MAN1C1: variants seen among roughly 807,000 people sequenced by gnomAD.
MAN1C1 encodes mannosyl-oligosaccharide 1,2-alpha-mannosidase IC.
MAN1C1 carries 49 observed loss-of-function variants against 71.5 expected under a neutral mutation model. That is an observed-to-expected ratio of 0.69 (90% CI 0.54 to 0.87). The LOEUF is 0.87. MAN1C1 is among the 40% of genes least tolerant of loss of function. The pLI, the probability that MAN1C1 is intolerant of heterozygous loss-of-function variation, is 0.00. For synonymous variants in MAN1C1, 352 were observed against 343.7 expected (o/e 1.02, Z -0.27); for missense variants, 743 against 835.0 (o/e 0.89, Z 1.36).
Position 25,778,446 on chromosome 1 carries a change from T to C in MAN1C1, c.1477+122T>C, listed in dbSNP as rs1002720962. The C allele has an allele frequency of 2.1e-6, 2 of 960,572 alleles. No individual in the cohort carries two copies. Among genetic ancestry groups the C allele is most frequent in the Admixed American group, 5.9e-5 (2 of 33,728 alleles). The allele number at this position is 960,572 out of a possible 1,614,324, so 59.5% of individuals were successfully genotyped here. On this transcript the variant is annotated intron_variant, in intron 9 of 11. Coordinates refer to ENST00000374332, the MANE Select transcript of MAN1C1 (RefSeq NM_020379.4). The surrounding 1 kb of genome is among the most constrained non-coding windows in gnomAD (Gnocchi z 5.5). ...CCTTAGGGAAGCCTCCCCTTGGAAGTTAAGTAGAATTTGAGAGAGGTACTC... is the reference window on the plus strand; with the variant it reads ...CCTTAGGGAAGCCTCCCCTTGGAAGCTAAGTAGAATTTGAGAGAGGTACTC...
At chr1:25,719,159 A>T (rs1001746673) in intron 2 of MAN1C1, among the ~76,000 whole-genome samples, 1 of 148,914 alleles carries the variant, frequency 6.7e-6, no homozygotes, top group African/African-American at 2.5e-5. Flanking sequence ...TGCAACCTCC[A>T]CCTCCTGGGT....
chr1:25,769,460 C>T lies in MAN1C1; in HGVS notation c.1142-2197C>T, dbSNP rs1032755117. Among the ~76,000 whole-genome samples, 2 of 152,142 alleles carry T rather than the reference C, an allele frequency of 1.3e-5. No individual in the cohort carries two copies. The highest frequency in any genetic ancestry group is 4.8e-5 in the African/African-American group (2 of 41,392). ...ATGTGAGATGCCCACATAAGTGCCC[C>T]TGAGAGGCAGCTGCATCTCAACACC... On this transcript the variant is annotated intron_variant, in intron 7 of 11. Coordinates refer to ENST00000374332, the MANE Select transcript of MAN1C1 (RefSeq NM_020379.4). The surrounding 1 kb of genome is among the most constrained non-coding windows in gnomAD (Gnocchi z 4.8).
At chr1:25,721,043 C>T (rs192378207) in intron 2 of MAN1C1, among the ~76,000 whole-genome samples, 1 of 152,310 alleles carries the variant, frequency 6.6e-6, no homozygotes, top group East Asian at 1.9e-4. Flanking sequence ...ATGCCAGTAT[C>T]ACACTGTCTT....
intron 2 of MAN1C1, among the ~76,000 whole-genome samples, chr1:25,691,561 C>G (rs1322152909): frequency 1.3e-5 from 2 of 152,220 alleles, no homozygotes; most frequent in Non-Finnish European, 2.9e-5. Flanking sequence ...CATCAAGCGT[C>G]AGCTGCGATG....
chr1:25,643,191 C>T (rs1485606426), intron 1 of MAN1C1, among the ~76,000 whole-genome samples: 2 of 151,908 alleles, frequency 1.3e-5, no homozygotes, highest in Non-Finnish European at 2.9e-5. Context: ...CCTCTATCCT[C>T]TTATTTTGTC....
Position 25,758,642 on chromosome 1 carries a change from T to A in MAN1C1, c.980T>A (p.Phe327Tyr). 6.2e-7 allele frequency: 1 copy of A among 1,614,150 alleles called. No homozygotes were observed. The highest frequency in any genetic ancestry group is 8.5e-7 in the Non-Finnish European group (1 of 1,180,026). ...GGCAGCAGCAGCATCTTGGCGGAGT[T>A]TGGATCCCTGCACTTGGAATTCTTA... ...TAGSSSILAE[F>Y]GSLHLEFLHL... The change falls in exon 6 of 12, where the codon TTT becomes TAT. Residue 327 changes from phenylalanine (F) to tyrosine (Y), a missense_variant. Physicochemically the swap from Phe to Tyr is conservative, Grantham distance 22. Transcript: ENST00000374332.
At chr1:25,680,925 G>A (rs558871636) in intron 1 of MAN1C1, among the ~76,000 whole-genome samples, 46 of 152,110 alleles carry the variant, frequency 3.0e-4, no homozygotes, top group Admixed American at 5.9e-4. Flanking sequence ...TTATTACAGT[G>A]AAAGGTTTCA....
chr1:25,779,795 A>G lies in MAN1C1; in HGVS notation c.1478-1145A>G, dbSNP rs1201551332. On this transcript the variant is annotated intron_variant, in intron 9 of 11. Transcript: ENST00000374332. The surrounding 1 kb of genome is among the most constrained non-coding windows in gnomAD (Gnocchi z 4.6). ...TCTTCCCTGAAGCCCTCCATGGAAG[A>G]GCAGGAAGTCCTGCAAACCTCTAAC... Among the ~76,000 whole-genome samples the G allele has an allele frequency of 6.6e-6, 1 of 152,200 alleles. No homozygotes were observed. The highest frequency in any genetic ancestry group is 1.5e-5 in the Non-Finnish European group (1 of 68,040).
intron 1 of MAN1C1, among the ~76,000 whole-genome samples, chr1:25,674,934 G>A (rs1402259111): frequency 1.3e-5 from 2 of 152,170 alleles, no homozygotes; most frequent in East Asian, 1.9e-4. Context: ...GGAGGCAGTC[G>A]CAGGAGTTCC....
chr1:25,695,566 T>G (rs1172961094), intron 2 of MAN1C1, among the ~76,000 whole-genome samples: 2 of 152,088 alleles, frequency 1.3e-5, no homozygotes, highest in Non-Finnish European at 2.9e-5. Context: ...GCCTCGAAAT[T>G]AGCTTGCTGC....
chr1:25,763,591 G>T (rs2047389740), intron 6 of MAN1C1: 2 of 380,794 alleles, frequency 5.3e-6, no homozygotes, highest in Admixed American at 4.3e-5. Flanking sequence ...ATAGGAGTCG[G>T]CCAGGCAGTG....
intron 2 of MAN1C1, among the ~76,000 whole-genome samples, chr1:25,718,281 C>T (rs2046710796): frequency 6.6e-6 from 1 of 152,118 alleles, no homozygotes; most frequent in Admixed American, 6.5e-5. Flanking sequence ...ACAGTGTGTC[C>T]CAGCGCATTA....
In MAN1C1 at chr1:25,782,991, C is replaced by A. The variant is rs554884033; in HGVS notation, c.1766+291C>A. 2.0e-5 allele frequency among the ~76,000 whole-genome samples: 3 copies of A among 152,180 alleles called. 1 individual carries two copies. Among genetic ancestry groups the A allele is most frequent in the Non-Finnish European group, 4.4e-5 (3 of 68,038 alleles). On this transcript the variant is annotated intron_variant, in intron 11 of 11. Coordinates refer to ENST00000374332, the MANE Select transcript of MAN1C1 (RefSeq NM_020379.4). This position sits in a 1 kb window ranked among gnomAD's most constrained non-coding sequence, Gnocchi z 4.4. ...CAGGTTGCTTCCGTTCTGGGAACCG[C>A]GTCCTCGTGTGTAAAATGGGATAGG...
chr1:25,735,484 ATGTG>A lies in MAN1C1; in HGVS notation c.638-11180_638-11177del, dbSNP rs2046971026. Reference sequence around the variant, plus strand: ...TGTATCTATATATGTGTATGTATATATGTGTGTATATGTGTGTATGTATGTGTGT... The same window carrying A: ...TGTATCTATATATGTGTATGTATATATGTATATGTGTGTATGTATGTGTGT... On this transcript the variant is annotated intron_variant, in intron 2 of 11. Transcript: ENST00000374332. The surrounding 1 kb of genome is among the most constrained non-coding windows in gnomAD (Gnocchi z 4.6). 6.6e-6 allele frequency among the ~76,000 whole-genome samples: 1 copy of A among 152,092 alleles called. No homozygotes were observed. Among genetic ancestry groups the A allele is most frequent in the Non-Finnish European group, 1.5e-5 (1 of 68,036 alleles).
intron 4 of MAN1C1, among the ~76,000 whole-genome samples, chr1:25,751,425 T>C (rs2047214851): frequency 6.6e-6 from 1 of 152,214 alleles, no homozygotes; most frequent in Admixed American, 6.5e-5. Context: ...TCTGAGAACT[T>C]GCTTTGAGGC....
chr1:25,782,766 C>A lies in MAN1C1; in HGVS notation c.1766+66C>A. ...GGTTGAGGGTAGGGGTCCGCAGTCC[C>A]TCCCCTCCACAGTCAGGTTCTGTGG... On this transcript the variant is annotated intron_variant, in intron 11 of 11. Coordinates refer to ENST00000374332, the MANE Select transcript of MAN1C1 (RefSeq NM_020379.4). The surrounding 1 kb of genome is among the most constrained non-coding windows in gnomAD (Gnocchi z 4.4). The A allele has an allele frequency of 1.7e-6, 2 of 1,164,126 alleles. No individual in the cohort carries two copies. The highest frequency in any genetic ancestry group is 2.6e-6 in the Non-Finnish European group (2 of 775,762). The allele number at this position is 1,164,126 out of a possible 1,614,324, so 72.1% of individuals were successfully genotyped here.
At chr1:25,740,506 G>A (rs189825311) in intron 2 of MAN1C1, among the ~76,000 whole-genome samples, 7 of 152,106 alleles carry the variant, frequency 4.6e-5, no homozygotes, top group East Asian at 1.9e-4. Flanking sequence ...GCGCTATCTC[G>A]GCTCACTGCA....
At chr1:25,707,672 A>G (rs2046542800) in intron 2 of MAN1C1, among the ~76,000 whole-genome samples, 1 of 152,222 alleles carries the variant, frequency 6.6e-6, no homozygotes, top group African/African-American at 2.4e-5. Flanking sequence ...TCAGTGAGCC[A>G]CTGTTGAACC....
Position 25,775,957 on chromosome 1 carries a change from G to T in MAN1C1, c.1258-2148G>T, listed in dbSNP as rs2047614011. 1 of 152,126 alleles carries T rather than the reference G, an allele frequency of 6.6e-6. No individual in the cohort carries two copies. Among genetic ancestry groups the T allele is most frequent in the African/African-American group, 2.4e-5 (1 of 41,384 alleles). 9.4% of individuals were successfully genotyped at this position (152,126 alleles called of 1,614,324 possible). A position where few individuals can be genotyped will look rare whatever the true frequency, so the allele number is the denominator to read the frequency against. On this transcript the variant is annotated intron_variant, in intron 8 of 11. Coordinates refer to ENST00000374332, the MANE Select transcript of MAN1C1 (RefSeq NM_020379.4). This position sits in a 1 kb window ranked among gnomAD's most constrained non-coding sequence, Gnocchi z 5.1. ...AGTGGAGTGCAGTGGTGCAATCTTG[G>T]CTCACCGCAACTTCTGCCTCCTGGA...
Sources: gnomAD v4.1 joint callset for allele counts (sites outside exome capture counted in the v4.1 genomes callset) on GRCh38, gnomAD v4.1.1 for gene constraint, Gnocchi (gnomAD v3.1) non-coding constraint, MANE v1.5 for transcripts, NCBI Gene and HGNC (gene_info 2026-07-23, HGNC 2026-07-21) for gene names.